PARD3: variants seen among roughly 807,000 people sequenced by gnomAD.
PARD3 encodes the protein par-3 family cell polarity regulator.
Under a neutral mutation model 155.4 loss-of-function variants are expected in PARD3, and 75 were observed. The observed-to-expected ratio is 0.48, with a 90% CI of 0.40 to 0.58. The LOEUF is 0.58. Among genes scored for constraint, PARD3 ranks in the 20% least tolerant of loss-of-function variants. PARD3 has a pLI of 0.00. For missense variants in PARD3, 1,642 were observed against 1,721.7 expected (o/e 0.95, Z 0.82); for synonymous variants, 576 against 610.5 (o/e 0.94, Z 0.83).
intron 2 of PARD3, among the ~76,000 whole-genome samples, chr10:34,615,504 T>C (rs1289932775): frequency 6.6e-6 from 1 of 152,160 alleles, no homozygotes; most frequent in Non-Finnish European, 1.5e-5. Flanking sequence ...ACTCTGAAAC[T>C]ACTACAAACA....
intron 7 of PARD3, among the ~76,000 whole-genome samples, chr10:34,395,058 A>T (rs1843184896): frequency 6.6e-6 from 1 of 152,128 alleles, no homozygotes; most frequent in Non-Finnish European, 1.5e-5. Context: ...TTTTTGAGAC[A>T]GAGTCTCACT....
In PARD3 at chr10:34,696,399, C is replaced by G. The variant is rs2094173031; in HGVS notation, c.141G>C (p.Gln47His). Reference protein sequence around the residue: ...AIAKDPNYWIQVHRLEHGDGG... With the variant: ...AIAKDPNYWIHVHRLEHGDGG... The stretch of plus-strand genomic sequence containing the variant: ...CATCTCCATGTTCCAAGCGATGCAC[C>G]TGTATCCAGTAGTTTGGATCCTATA... The change falls in exon 2 of 25, where the codon CAG becomes CAC. Residue 47 changes from glutamine to histidine, a missense_variant. Around this residue, in one of 3 missense-constraint regions of PARD3, gnomAD observed 75 missense variants for 65.3 expected, o/e 1.15. Coordinates refer to ENST00000374788, the MANE Select transcript of PARD3 (RefSeq NM_001184785.2). 6.2e-7 allele frequency: 1 copy of G among 1,608,458 alleles called. No individual in the cohort carries two copies. Among genetic ancestry groups the G allele is most frequent in the Admixed American group, 1.7e-5 (1 of 60,008 alleles).
At chr10:34,479,251 T>G (rs2078911460) in intron 3 of PARD3, among the ~76,000 whole-genome samples, 2 of 147,518 alleles carry the variant, frequency 1.4e-5, no homozygotes, top group African/African-American at 5.1e-5. Flanking sequence ...AAGCTCCACC[T>G]CCCGGGTTCA....
At chr10:34,805,506 C>A (rs1843255369) in intron 1 of PARD3, among the ~76,000 whole-genome samples, 1 of 149,180 alleles carries the variant, frequency 6.7e-6, no homozygotes, top group African/African-American at 2.4e-5. Flanking sequence ...ATTTATACCA[C>A]CATAAAAGAT....
At chr10:34,337,887 T>G (rs1277684559) in intron 16 of PARD3, among the ~76,000 whole-genome samples, 1 of 152,254 alleles carries the variant, frequency 6.6e-6, no homozygotes, top group Non-Finnish European at 1.5e-5. Context: ...TCTTTTATGT[T>G]GTGTTTTAAG....
At chr10:34,423,692 C>T (rs2075438447) in intron 5 of PARD3, among the ~76,000 whole-genome samples, 2 of 152,054 alleles carry the variant, frequency 1.3e-5, no homozygotes, top group African/African-American at 4.8e-5. Flanking sequence ...TACACAAATA[C>T]ATACACAACT....
chr10:34,597,429 C>CAT (rs2089385393), intron 2 of PARD3, among the ~76,000 whole-genome samples: 1 of 151,130 alleles, frequency 6.6e-6, no homozygotes, highest in Admixed American at 6.6e-5. Context: ...TATTTATTTA[C>CAT]TATTATTATT....
Position 34,119,635 on chromosome 10 carries a change from G to T in PARD3, c.3646C>A (p.Arg1216Ser). The T allele has an allele frequency of 6.2e-7, 1 of 1,609,554 alleles. No homozygotes were observed. Among genetic ancestry groups the T allele is most frequent in the Non-Finnish European group, 8.5e-7 (1 of 1,178,186 alleles). ...TACCGAGGCAGAGAGCTGTACTGGC[G>T]CTGGGCCTGCTGGGAGCTCTCGCGC... ...EERESSQQAQRQYSSLPRQSR... is the reference protein window; with the variant it reads ...EERESSQQAQSQYSSLPRQSR... The change falls in exon 24 of 25, where the codon CGC (arginine) becomes AGC (serine). Residue 1216 changes from arginine to serine, a missense_variant. This residue lies in a region of PARD3 where 1,529 missense variants were observed against 1,587.3 expected (regional missense o/e 0.96). Coordinates refer to ENST00000374788, the MANE Select transcript of PARD3 (RefSeq NM_001184785.2).
intron 22 of PARD3, among the ~76,000 whole-genome samples, chr10:34,244,056 T>C (rs1048086148): frequency 2.0e-5 from 3 of 152,130 alleles, no homozygotes; most frequent in African/African-American, 7.2e-5. Flanking sequence ...AAAAGAAAAA[T>C]TCCTTGTCAG....
intron 2 of PARD3, among the ~76,000 whole-genome samples, chr10:34,592,983 C>T (rs561457538): frequency 1.3e-5 from 2 of 152,134 alleles, no homozygotes; most frequent in South Asian, 2.1e-4. Flanking sequence ...ACTTCTCAGA[C>T]GCTACACATG....
intron 19 of PARD3, among the ~76,000 whole-genome samples, chr10:34,321,132 G>A (rs1958349522): frequency 6.6e-6 from 1 of 152,068 alleles, no homozygotes; most frequent in Admixed American, 6.6e-5. Context: ...AGTCACTGAT[G>A]TACTAGTCAG....
chr10:34,633,213 G>A (rs1259801873), intron 2 of PARD3, among the ~76,000 whole-genome samples: 3 of 151,974 alleles, frequency 2.0e-5, no homozygotes, highest in African/African-American at 7.3e-5. Context: ...TAAAATGTAC[G>A]GAACTCAATT....
At chr10:34,304,427 C>G (rs1043907645) in intron 20 of PARD3, among the ~76,000 whole-genome samples, 10 of 152,124 alleles carry the variant, frequency 6.6e-5, no homozygotes, top group Non-Finnish European at 1.2e-4. Context: ...ACGTGAAAGT[C>G]AGGTTCAAAA....
At chr10:34,131,652 A>ACTGC in intron 22 of PARD3, 69 bp from the exon 23 acceptor site, 1 of 1,375,502 alleles carries the variant, frequency 7.3e-7, no homozygotes, top group African/African-American at 1.4e-5. Context: ...GTTGCTAGCA[A>ACTGC]AACATGGCAA....
intron 9 of PARD3, among the ~76,000 whole-genome samples, chr10:34,381,912 C>CAAAAAAAAAAAAAAAAAAAAAA (rs202053812): frequency 2.6e-4 from 19 of 71,876 alleles, no homozygotes; most frequent in African/African-American, 3.9e-4. Context: ...GGCCCTGTCT[C>CAAAAAAAAAAAAAAAAAAAAAA]AAAAAAAAAA....
intron 1 of PARD3, among the ~76,000 whole-genome samples, chr10:34,709,444 G>A (rs753675998): frequency 2.0e-4 from 31 of 152,152 alleles, no homozygotes; most frequent in Non-Finnish European, 3.5e-4. Flanking sequence ...TTAGGAGTGC[G>A]AACAGGAAAA....
chr10:34,466,878 G>A (rs931473364), intron 4 of PARD3, among the ~76,000 whole-genome samples: 5 of 151,978 alleles, frequency 3.3e-5, no homozygotes, highest in Admixed American at 6.6e-5. Flanking sequence ...AGCATAAAAC[G>A]CAGACAGCAA....
At chr10:34,738,441 A>G (rs2094954054) in intron 1 of PARD3, among the ~76,000 whole-genome samples, 1 of 152,254 alleles carries the variant, frequency 6.6e-6, no homozygotes, top group Non-Finnish European at 1.5e-5. Context: ...GGTCCCCCCA[A>G]AGTGCTGGGG....
intron 2 of PARD3, among the ~76,000 whole-genome samples, chr10:34,568,482 C>A (rs2134129108): frequency 6.6e-6 from 1 of 152,250 alleles, no homozygotes; most frequent in East Asian, 1.9e-4. Flanking sequence ...AAAACCGCTA[C>A]AAATTTTATT....
Sources: allele counts gnomAD v4.1 joint callset (sites outside exome capture counted in the v4.1 genomes callset), GRCh38; gene constraint gnomAD v4.1.1; regional missense constraint gnomAD v4.1.1; transcripts MANE v1.5; gene names NCBI Gene and HGNC (gene_info 2026-07-23, HGNC 2026-07-21).